The following SMARCD2 variants were observed in gnomAD, a reference collection of about 807,000 sequenced individuals.
SMARCD2 encodes SWI/SNF related BAF chromatin remodeling complex subunit D2.
SMARCD2 carries 39 observed loss-of-function variants against 70.4 expected under a neutral mutation model. The observed-to-expected ratio is 0.55, with a 90% CI of 0.43 to 0.72. The LOEUF (loss-of-function observed/expected upper bound fraction) is 0.72, where lower values mean the gene tolerates loss of function less well. Ranked by LOEUF, SMARCD2 falls within the 30% of genes least tolerant of loss-of-function variation. SMARCD2 has a pLI of 0.00. For missense variants in SMARCD2, 540 were observed against 713.4 expected (o/e 0.76, Z 2.77); for synonymous variants, 249 against 279.4 (o/e 0.89, Z 1.08).
Position 63,832,135 on chromosome 17 carries a change from G to C in SMARCD2, c.*803C>G. On this transcript the variant is annotated 3_prime_UTR_variant, in exon 13 of 13. Coordinates refer to ENST00000448276, the MANE Select transcript of SMARCD2 (RefSeq NM_001098426.2). ...TCCAAACCTGCCAGATGTGGCACTC[G>C]CCAAGCCCTAGGCCCACCCTCCTCA... 1 of 718,588 alleles carries C rather than the reference G, an allele frequency of 1.4e-6. No individual in the cohort carries two copies. Among genetic ancestry groups the C allele is most frequent in the Non-Finnish European group, 2.3e-6 (1 of 428,274 alleles). The allele number at this position is 718,588 out of a possible 1,614,324, so 44.5% of individuals were successfully genotyped here.
In SMARCD2 at chr17:63,837,331, C is replaced by T; in HGVS notation, c.402-94G>A. 1 of 1,513,214 alleles carries T rather than the reference C, an allele frequency of 6.6e-7. No individual in the cohort carries two copies. The highest frequency in any genetic ancestry group is 2.3e-5 in the East Asian group (1 of 44,390). 93.7% of individuals were successfully genotyped at this position (1,513,214 alleles called of 1,614,324 possible). ...CTCCAGTCTCCAGGACCCTCTCCCC[C>T]AGGAGAGCCTGGAGTCATCCTCAGT... On this transcript the variant is annotated intron_variant, in intron 2 of 12. Coordinates refer to ENST00000448276, the MANE Select transcript of SMARCD2 (RefSeq NM_001098426.2). The surrounding 1 kb of genome is among the most constrained non-coding windows in gnomAD (Gnocchi z 6.4).
chr17:63,832,862 G>T lies in SMARCD2; in HGVS notation c.*76C>A. On this transcript the variant is annotated 3_prime_UTR_variant, in exon 13 of 13. Transcript: ENST00000448276. The stretch of plus-strand genomic sequence containing the variant: ...AGACACTCCTCACCCCAGCCTACGT[G>T]TCTGCGGCCCCAGCAAGGACCCAGA... The T allele has an allele frequency of 7.7e-7, 1 of 1,299,142 alleles. No homozygotes were observed. The highest frequency in any genetic ancestry group is 1.1e-6 in the Non-Finnish European group (1 of 918,380). The allele number at this position is 1,299,142 out of a possible 1,614,324, so 80.5% of individuals were successfully genotyped here. A position where few individuals can be genotyped will look rare whatever the true frequency, so the allele number is the denominator to read the frequency against.
chr17:63,842,329 C>G (rs1201685878), intron 1 of SMARCD2, 130 bp downstream of exon 1: 1 of 1,185,820 alleles, frequency 8.4e-7, no homozygotes, highest in Non-Finnish European at 1.0e-6. Flanking sequence ...AGGGTCCCGG[C>G]CCGCCCTCCA....
Position 63,834,873 on chromosome 17 carries a change from G to T in SMARCD2, c.724-73C>A. The T allele has an allele frequency of 1.8e-6, 2 of 1,089,772 alleles. No individual in the cohort carries two copies. The highest frequency in any genetic ancestry group is 1.3e-5 in the South Asian group (1 of 78,018). The allele number at this position is 1,089,772 out of a possible 1,614,324, so 67.5% of individuals were successfully genotyped here. A position where few individuals can be genotyped will look rare whatever the true frequency, so the allele number is the denominator to read the frequency against. ...TCAAGCTATGCTAAATCCCAAGAAA[G>T]AGAAGCCCCATTTCAGCCCTGGAGC... On this transcript the variant is annotated intron_variant, in intron 5 of 12. Transcript: ENST00000448276. This position sits in a 1 kb window ranked among gnomAD's most constrained non-coding sequence, Gnocchi z 5.6.
At chr17:63,838,187 G>A (rs575215020) in intron 1 of SMARCD2, among the ~76,000 whole-genome samples, 2 of 152,188 alleles carry the variant, frequency 1.3e-5, no homozygotes, top group East Asian at 1.9e-4. Context: ...CCCCAGGTGA[G>A]CAGGGCTGCA....
chr17:63,832,328 G>A lies in SMARCD2; in HGVS notation c.*610C>T. The stretch of plus-strand genomic sequence containing the variant: ...CTCTGGCATCCCAGGAGATGATGGC[G>A]GCCAGAGCCGCTTGCATAGATTGAG... On this transcript the variant is annotated 3_prime_UTR_variant, in exon 13 of 13. Coordinates refer to ENST00000448276, the MANE Select transcript of SMARCD2 (RefSeq NM_001098426.2). The A allele has an allele frequency of 3.2e-6, 1 of 313,154 alleles. No homozygotes were observed. The highest frequency in any genetic ancestry group is 6.0e-6 in the Non-Finnish European group (1 of 167,202). 19.4% of individuals were successfully genotyped at this position (313,154 alleles called of 1,614,324 possible).
rs940083141 is a variant in SMARCD2, at chr17:63,842,445, T to C, written c.216+14A>G. On this transcript the variant is annotated intron_variant, in intron 1 of 12. Coordinates refer to ENST00000448276, the MANE Select transcript of SMARCD2 (RefSeq NM_001098426.2). ...CGCCTCTCGCCCCCGTCCGCTCGCG[T>C]CCTCCTTGCTCACCTGGTACTGCGC... 4.5e-6 allele frequency: 6 copies of C among 1,343,096 alleles called. No homozygotes were observed. In the Admixed American group the frequency reaches 2.0e-4, roughly 45 times the overall value. The allele number at this position is 1,343,096 out of a possible 1,614,324, so 83.2% of individuals were successfully genotyped here. A position where few individuals can be genotyped will look rare whatever the true frequency, so the allele number is the denominator to read the frequency against.
In SMARCD2 at chr17:63,833,520, ATGC is replaced by A; in HGVS notation, c.1317+64_1317+66del. Reference sequence around the variant, plus strand: ...TCCTCCAGGTGCTACATGTATGGAAATGCTGGACAGAGCCAGCCCACCCCAATC... The same window carrying A: ...TCCTCCAGGTGCTACATGTATGGAAATGGACAGAGCCAGCCCACCCCAATC... On this transcript the variant is annotated intron_variant, in intron 10 of 12. Coordinates refer to ENST00000448276, the MANE Select transcript of SMARCD2 (RefSeq NM_001098426.2). This position sits in a 1 kb window ranked among gnomAD's most constrained non-coding sequence, Gnocchi z 4.3. 6.2e-7 allele frequency: 1 copy of A among 1,611,718 alleles called. No individual in the cohort carries two copies. The highest frequency in any genetic ancestry group is 1.3e-5 in the African/African-American group (1 of 74,986).
In SMARCD2 at chr17:63,832,992, C is replaced by G; in HGVS notation, c.1543-1G>C. ...CCAGTTCCTGCCTTCGCTGCTGCAC[C>G]TGGAGAAGGGAGAAACCAAGTGGCT... On this transcript the variant is annotated splice_acceptor_variant, in intron 12 of 12. Coordinates refer to ENST00000448276, the MANE Select transcript of SMARCD2 (RefSeq NM_001098426.2). LOFTEE classifies it high-confidence loss of function. The G allele has an allele frequency of 6.3e-7, 1 of 1,587,068 alleles. No individual in the cohort carries two copies. The highest frequency in any genetic ancestry group is 8.6e-7 in the Non-Finnish European group (1 of 1,167,940).
rs1567761488 is a variant in SMARCD2 at position 63,835,230 on chromosome 17, C to G, written c.723+182G>C. ...CTCGACCTCCTGGGCTCAAGCCATCCTCCTGCATCAGCCTTATGAGTAGCT... is the reference window on the plus strand; with the variant it reads ...CTCGACCTCCTGGGCTCAAGCCATCGTCCTGCATCAGCCTTATGAGTAGCT... On this transcript the variant is annotated intron_variant, in intron 5 of 12. Coordinates refer to ENST00000448276, the MANE Select transcript of SMARCD2 (RefSeq NM_001098426.2). 1.3e-5 allele frequency: 8 copies of G among 604,614 alleles called. 1 individual carries two copies. Among genetic ancestry groups the G allele is most frequent in the South Asian group, 1.1e-4 (5 of 47,022 alleles). The allele number at this position is 604,614 out of a possible 1,614,324, so 37.5% of individuals were successfully genotyped here.
chr17:63,839,622 A>G (rs1239692251), intron 1 of SMARCD2, among the ~76,000 whole-genome samples: 1 of 149,692 alleles, frequency 6.7e-6, no homozygotes, highest in Non-Finnish European at 1.5e-5. Context: ...GAGTTAAAGA[A>G]AAAAAAAAAA....
chr17:63,833,892 C>CCCT lies in SMARCD2; in HGVS notation c.1181+16_1181+17insAGG. ...CTGCTCTTAGAAGAGCCTTCCTGTC[C>CCCT]CCCTCCTTGCATTTACCTAATGACA... On this transcript the variant is annotated intron_variant, in intron 9 of 12. Coordinates refer to ENST00000448276, the MANE Select transcript of SMARCD2 (RefSeq NM_001098426.2). The surrounding 1 kb of genome is among the most constrained non-coding windows in gnomAD (Gnocchi z 4.3). 1 of 1,581,116 alleles carries CCCT rather than the reference C, an allele frequency of 6.3e-7. No homozygotes were observed.
chr17:63,842,181 C>T (rs942277750), intron 1 of SMARCD2, among the ~76,000 whole-genome samples: 9 of 152,170 alleles, frequency 5.9e-5, no homozygotes, highest in Non-Finnish European at 1.0e-4. Context: ...AATTCACTGG[C>T]TCCCCAAACT....
At chr17:63,838,938 G>C (rs879264317) in intron 1 of SMARCD2, 2 of 985,220 alleles carry the variant, frequency 2.0e-6, no homozygotes, top group Non-Finnish European at 2.4e-6. Flanking sequence ...GACCAGATGC[G>C]GAGATGGAAA....
At position 63,833,883 on chromosome 17, in the gene SMARCD2, C is replaced by G; in HGVS notation, c.1181+26G>C. 2 of 1,568,758 alleles carry G rather than the reference C, an allele frequency of 1.3e-6. No individual in the cohort carries two copies. Among genetic ancestry groups the G allele is most frequent in the Non-Finnish European group, 1.8e-6 (2 of 1,139,338 alleles). On this transcript the variant is annotated intron_variant, in intron 9 of 12. Coordinates refer to ENST00000448276, the MANE Select transcript of SMARCD2 (RefSeq NM_001098426.2). This position sits in a 1 kb window ranked among gnomAD's most constrained non-coding sequence, Gnocchi z 4.3. The stretch of plus-strand genomic sequence containing the variant: ...AGGGTGAATCTGCTCTTAGAAGAGC[C>G]TTCCTGTCCCCCTCCTTGCATTTAC...
Position 63,832,905 on chromosome 17 carries a change from G to A in SMARCD2, c.*33C>T, listed in dbSNP as rs575138993. ...GACCCAGAGGGTGGTCTCCCTCCAG[G>A]CTCCAGGGCTGGGAAGAAAGATCCC... On this transcript the variant is annotated 3_prime_UTR_variant, in exon 13 of 13. Coordinates refer to ENST00000448276, the MANE Select transcript of SMARCD2 (RefSeq NM_001098426.2). 1.9e-5 allele frequency: 30 copies of A among 1,548,694 alleles called. No individual in the cohort carries two copies. The African/African-American group carries it at 2.5e-4, about 13-fold the overall frequency.
Position 63,834,247 on chromosome 17 carries a change from G to A in SMARCD2, c.1003C>T (p.Leu335=), listed in dbSNP as rs2040235561. The A allele has an allele frequency of 6.2e-7, 1 of 1,610,354 alleles. No homozygotes were observed. Among genetic ancestry groups the A allele is most frequent in the East Asian group, 2.2e-5 (1 of 44,796 alleles). ...TGGTTGTGCTTGATGTAAAGCCACA[G>A]GGCCTGCATGATGGCGGCCCTCGTC... ...TQTRAAIMQA[L]WLYIKHNQLQ... The change falls in exon 8 of 13, where the codon CTG becomes TTG. Residue 335 remains leucine, a synonymous_variant. Transcript: ENST00000448276. The surrounding 1 kb of genome is among the most constrained non-coding windows in gnomAD (Gnocchi z 5.6).
chr17:63,834,418 G>T lies in SMARCD2; in HGVS notation c.921+56C>A. 6.4e-7 allele frequency: 1 copy of T among 1,558,234 alleles called. No homozygotes were observed. Among genetic ancestry groups the T allele is most frequent in the Non-Finnish European group, 8.8e-7 (1 of 1,140,908 alleles). On this transcript the variant is annotated intron_variant, in intron 7 of 12. Coordinates refer to ENST00000448276, the MANE Select transcript of SMARCD2 (RefSeq NM_001098426.2). This position sits in a 1 kb window ranked among gnomAD's most constrained non-coding sequence, Gnocchi z 5.6. ...GGACAGGAAGGGTTTCTAGGAACCAGCTCCCCTCCTGAGGGGTCCCTGTGG... is the reference window on the plus strand; with the variant it reads ...GGACAGGAAGGGTTTCTAGGAACCATCTCCCCTCCTGAGGGGTCCCTGTGG...
Position 63,842,652 on chromosome 17 carries a change from C to A in SMARCD2, c.23G>T (p.Gly8Val). 1 of 1,279,268 alleles carries A rather than the reference C, an allele frequency of 7.8e-7. No individual in the cohort carries two copies. Among genetic ancestry groups the A allele is most frequent in the African/African-American group, 1.5e-5 (1 of 64,658 alleles). 79.2% of individuals were successfully genotyped at this position (1,279,268 alleles called of 1,614,324 possible). A position where few individuals can be genotyped will look rare whatever the true frequency, so the allele number is the denominator to read the frequency against. The change falls in exon 1 of 13, where the codon GGG becomes GTG. Residue 8 changes from glycine to valine, a missense_variant. Coordinates refer to ENST00000448276, the MANE Select transcript of SMARCD2 (RefSeq NM_001098426.2). MSGRGAG[G>V]FPLPPLSPGG... ...AGGGCTTAGCGGGGGCAGCGGGAAC[C>A]CGCCCGCGCCTCGGCCCGACATCGC...
Sources: gnomAD v4.1 joint callset for allele counts (sites outside exome capture counted in the v4.1 genomes callset) on GRCh38, gnomAD v4.1.1 for gene constraint, Gnocchi (gnomAD v3.1) non-coding constraint, MANE v1.5 for transcripts, NCBI Gene and HGNC (gene_info 2026-07-23, HGNC 2026-07-21) for gene names.